Variants in CRPPA observed in about 807,000 individuals in gnomAD.
CRPPA encodes CDP-L-ribitol pyrophosphorylase A.
Under a neutral mutation model 52.0 loss-of-function variants are expected in CRPPA, and 43 were observed. The observed-to-expected ratio is 0.83, with a 90% CI of 0.65 to 1.07. CRPPA has a LOEUF of 1.07. Among genes scored for constraint, CRPPA ranks in the 50% least tolerant of loss-of-function variants. CRPPA has a pLI of 0.00. For missense variants in CRPPA, 629 were observed against 551.7 expected (o/e 1.14, Z -1.40); for synonymous variants, 250 against 203.5 (o/e 1.23, Z -1.94).
intron 1 of CRPPA, among the ~76,000 whole-genome samples, chr7:16,408,840 T>C (rs574149079): frequency 6.6e-6 from 1 of 152,170 alleles, no homozygotes; most frequent in Non-Finnish European, 1.5e-5. Flanking sequence ...CTGGAGAAGA[T>C]GTGATGACAG....
chr7:16,251,866 A>G (rs949386159), intron 8 of CRPPA, among the ~76,000 whole-genome samples: 1 of 152,206 alleles, frequency 6.6e-6, no homozygotes, highest in Non-Finnish European at 1.5e-5. Context: ...AAGACAAGAA[A>G]TAATTAAGAT....
At chr7:16,173,871 T>C (rs1781241948) in intron 9 of CRPPA, among the ~76,000 whole-genome samples, 1 of 152,168 alleles carries the variant, frequency 6.6e-6, no homozygotes, top group African/African-American at 2.4e-5. Flanking sequence ...TGAATAAAAA[T>C]GTAAACTGTA....
At chr7:16,273,578 C>T (rs907948664) in intron 6 of CRPPA, among the ~76,000 whole-genome samples, 2 of 151,966 alleles carry the variant, frequency 1.3e-5, no homozygotes, top group Non-Finnish European at 2.9e-5. Flanking sequence ...CACTGAAAGC[C>T]ACTTCCACTC....
chr7:16,190,191 G>C (rs953115114), intron 9 of CRPPA, among the ~76,000 whole-genome samples: 1 of 152,178 alleles, frequency 6.6e-6, no homozygotes, highest in Non-Finnish European at 1.5e-5. Flanking sequence ...CTACTAGCAT[G>C]TGCCTATACC....
chr7:16,249,635 G>A (rs547819991), intron 8 of CRPPA, among the ~76,000 whole-genome samples: 3 of 152,256 alleles, frequency 2.0e-5, no homozygotes, highest in African/African-American at 4.8e-5. Flanking sequence ...TGCAGCTAAG[G>A]GGCCTGATTG....
At chr7:16,345,779 A>G (rs1055811072) in intron 3 of CRPPA, among the ~76,000 whole-genome samples, 7 of 152,146 alleles carry the variant, frequency 4.6e-5, no homozygotes, top group Non-Finnish European at 1.0e-4. Flanking sequence ...GAAGAGGTAC[A>G]ATTATCTTTT....
At chr7:16,136,047 C>T (rs1204028710) in intron 9 of CRPPA, among the ~76,000 whole-genome samples, 2 of 152,152 alleles carry the variant, frequency 1.3e-5, no homozygotes, top group African/African-American at 2.4e-5. Flanking sequence ...CCCAAATTCT[C>T]ACATTATTGG....
chr7:16,274,157 C>T (rs1481477002), intron 6 of CRPPA, among the ~76,000 whole-genome samples: 2 of 152,212 alleles, frequency 1.3e-5, no homozygotes, highest in African/African-American at 2.4e-5. Flanking sequence ...TCACGACATT[C>T]TCCTGCCTCA....
At chr7:16,216,429 G>A (rs1027012700) in intron 8 of CRPPA, 4 of 327,806 alleles carry the variant, frequency 1.2e-5, no homozygotes, top group Non-Finnish European at 2.2e-5. Flanking sequence ...ACCAAATGCT[G>A]GGGAGGAGCC....
chr7:16,407,445 G>C (rs567143417), intron 1 of CRPPA, among the ~76,000 whole-genome samples: 52 of 152,290 alleles, frequency 3.4e-4, no homozygotes, highest in Non-Finnish European at 6.3e-4. Flanking sequence ...CCCAAACCAA[G>C]ACAACGGTCT....
chr7:16,099,000 CAGTTTT>C lies in CRPPA; in HGVS notation c.1252-7207_1252-7202del, dbSNP rs1397730378. On this transcript the variant is annotated intron_variant, in intron 9 of 9. Transcript: ENST00000407010. ...ACTGATTAACATAATCATCGCACAA[CAGTTTT>C]AGTCTTTTTTATTTTCTGTGTCTAG... Among the ~76,000 whole-genome samples, 5 of 152,172 alleles carry C rather than the reference CAGTTTT, an allele frequency of 3.3e-5. No homozygotes were observed. The East Asian group carries it at 9.6e-4, about 29-fold the overall frequency.
At chr7:16,381,241 G>A (rs77266400) in intron 2 of CRPPA, among the ~76,000 whole-genome samples, 8 of 152,062 alleles carry the variant, frequency 5.3e-5, no homozygotes, top group East Asian at 3.9e-4. Flanking sequence ...CCTTCATTTC[G>A]TTATGTATCC....
chr7:16,178,113 G>T (rs1213256289), intron 9 of CRPPA, among the ~76,000 whole-genome samples: 1 of 151,928 alleles, frequency 6.6e-6, no homozygotes, highest in African/African-American at 2.4e-5. Context: ...TAAGACACTG[G>T]AATATTTTTA....
intron 8 of CRPPA, among the ~76,000 whole-genome samples, chr7:16,237,975 C>G (rs755803741): frequency 7.9e-5 from 12 of 152,154 alleles, no homozygotes; most frequent in Non-Finnish European, 1.6e-4. Flanking sequence ...TAAATTGCCT[C>G]TTTTTCAAGC....
At chr7:16,189,426 G>A (rs1232228957) in intron 9 of CRPPA, among the ~76,000 whole-genome samples, 2 of 152,128 alleles carry the variant, frequency 1.3e-5, no homozygotes, top group Non-Finnish European at 2.9e-5. Context: ...AATATTATCT[G>A]GAAAGTGATG....
At chr7:16,307,730 C>T (rs1784943334) in intron 4 of CRPPA, among the ~76,000 whole-genome samples, 1 of 149,920 alleles carries the variant, frequency 6.7e-6, no homozygotes, top group South Asian at 2.1e-4. Context: ...AAGAACTGGG[C>T]CCTGCCACAG....
intron 8 of CRPPA, among the ~76,000 whole-genome samples, chr7:16,231,007 G>T (rs1039398881): frequency 1.3e-5 from 2 of 152,122 alleles, no homozygotes; most frequent in Non-Finnish European, 2.9e-5. Flanking sequence ...TGCTGCAGCT[G>T]GTCTAGAGGC....
chr7:16,404,531 C>T (rs996508891), intron 2 of CRPPA, among the ~76,000 whole-genome samples: 3 of 151,404 alleles, frequency 2.0e-5, no homozygotes, highest in African/African-American at 4.9e-5. Flanking sequence ...ATACTTTCTG[C>T]TTATTACTCA....
intron 1 of CRPPA, among the ~76,000 whole-genome samples, chr7:16,418,682 G>A (rs1481611429): frequency 6.6e-6 from 1 of 152,046 alleles, no homozygotes; most frequent in Non-Finnish European, 1.5e-5. Context: ...CCAGCATGGG[G>A]GAAACAATCC....
Sources: allele counts gnomAD v4.1 joint callset (sites outside exome capture counted in the v4.1 genomes callset), GRCh38; gene constraint gnomAD v4.1.1; transcripts MANE v1.5; gene names NCBI Gene and HGNC (gene_info 2026-07-23, HGNC 2026-07-21).